The following GRK3 variants were observed in gnomAD, a reference collection of about 807,000 sequenced individuals.
GRK3 encodes adrenergic, beta, receptor kinase 2.
A neutral mutation model predicts 95.7 loss-of-function variants in GRK3; 54 were observed. The ratio of observed to expected loss-of-function variants is 0.56; its 90% CI spans 0.45 to 0.71. The LOEUF (loss-of-function observed/expected upper bound fraction) is 0.71. Among genes scored for constraint, GRK3 ranks in the 30% least tolerant of loss-of-function variants. GRK3 has a pLI of 0.00. For synonymous variants in GRK3, 281 were observed against 290.8 expected (o/e 0.97, Z 0.34); for missense variants, 649 against 851.2 (o/e 0.76, Z 2.96).
intron 2 of GRK3, among the ~76,000 whole-genome samples, chr22:25,637,191 G>A (rs1290676420): frequency 6.6e-6 from 1 of 152,138 alleles, no homozygotes; most frequent in South Asian, 2.1e-4. Context: ...GCCTTTTCCT[G>A]GTTCTCAGAC....
At chr22:25,673,211 G>T (rs1209650438) in intron 7 of GRK3, among the ~76,000 whole-genome samples, 16 of 151,720 alleles carry the variant, frequency 1.1e-4, no homozygotes, top group Non-Finnish European at 2.2e-4. Flanking sequence ...ACAGGCACCC[G>T]CCACCATGCC....
chr22:25,601,147 C>T (rs1235187988), intron 1 of GRK3, among the ~76,000 whole-genome samples: 1 of 152,170 alleles, frequency 6.6e-6, no homozygotes, highest in East Asian at 1.9e-4. Context: ...CTAAGCAACA[C>T]TATCAACCAA....
In GRK3 at chr22:25,564,682, C is replaced by T. The variant is rs1569144815; in HGVS notation, c.-359C>T. 1.3e-5 allele frequency among the ~76,000 whole-genome samples: 2 copies of T among 151,396 alleles called. No homozygotes were observed. Among genetic ancestry groups the T allele is most frequent in the Non-Finnish European group, 3.0e-5 (2 of 67,774 alleles). On this transcript the variant is annotated 5_prime_UTR_variant, in exon 1 of 21. Transcript: ENST00000324198. Reference sequence around the variant, plus strand: ...GGGAGGGCGACCGTAGAGACTTGGTCGGGAGGCGCCGGCCCAGCGAGGCCG... The same window carrying T: ...GGGAGGGCGACCGTAGAGACTTGGTTGGGAGGCGCCGGCCCAGCGAGGCCG...
chr22:25,583,109 AG>A lies in GRK3; in HGVS notation c.113+17961del, dbSNP rs145571898. Among the ~76,000 whole-genome samples, 633 of 152,272 alleles carry A rather than the reference AG, an allele frequency of 4.2e-3. 17 individuals are homozygous for A. Among genetic ancestry groups the A allele is most frequent in the East Asian group, 0.019 (98 of 5,180 alleles). On this transcript the variant is annotated intron_variant, in intron 1 of 20. Transcript: ENST00000324198. ...AACTGGCTCTTGTCCTAGGGAAGAG[AG>A]GGGGTAGGAGGCCTGAACTGTGTTT...
intron 2 of GRK3, among the ~76,000 whole-genome samples, chr22:25,632,347 A>G (rs1446700893): frequency 2.0e-5 from 3 of 152,150 alleles, no homozygotes; most frequent in African/African-American, 7.2e-5. Context: ...TTCTTTGGTG[A>G]AAGTGTGTTC....
chr22:25,692,501 C>G (rs202040170), intron 12 of GRK3, among the ~76,000 whole-genome samples: 1 of 152,216 alleles, frequency 6.6e-6, no homozygotes, highest in South Asian at 2.1e-4. Flanking sequence ...CTGGCGATGC[C>G]ACGGTAAGAC....
At chr22:25,621,872 C>T (rs960655760) in intron 2 of GRK3, among the ~76,000 whole-genome samples, 1 of 152,156 alleles carries the variant, frequency 6.6e-6, no homozygotes, top group Non-Finnish European at 1.5e-5. Flanking sequence ...GTTAGGAACC[C>T]TGTGCAGAGA....
At chr22:25,621,194 A>G (rs191842652) in intron 2 of GRK3, among the ~76,000 whole-genome samples, 430 of 152,396 alleles carry the variant, frequency 2.8e-3, no homozygotes, top group African/African-American at 9.8e-3. Flanking sequence ...GAGGACAGCA[A>G]TTCCCACAAG....
At chr22:25,626,503 A>G (rs574419186) in intron 2 of GRK3, among the ~76,000 whole-genome samples, 4 of 152,308 alleles carry the variant, frequency 2.6e-5, no homozygotes, top group Non-Finnish European at 5.9e-5. Flanking sequence ...GGATGCTATT[A>G]AGGCACTGGG....
intron 3 of GRK3, among the ~76,000 whole-genome samples, chr22:25,657,998 A>G (rs1398009710): frequency 6.6e-6 from 1 of 151,174 alleles, no homozygotes; most frequent in Admixed American, 6.6e-5. Context: ...CAGATACTCT[A>G]TTTTTTACTT....
At chr22:25,622,524 C>T (rs1258324909) in intron 2 of GRK3, among the ~76,000 whole-genome samples, 2 of 152,118 alleles carry the variant, frequency 1.3e-5, no homozygotes, top group Admixed American at 1.3e-4. Flanking sequence ...CAGAAACTGC[C>T]AGAAGGCCCA....
intron 2 of GRK3, among the ~76,000 whole-genome samples, chr22:25,636,999 T>A (rs550678266): frequency 6.6e-6 from 1 of 152,296 alleles, no homozygotes; most frequent in South Asian, 2.1e-4. Context: ...TGTAAAAAGA[T>A]CCACCATCAG....
At chr22:25,709,864 A>G (rs1408507925) in intron 15 of GRK3, 34 bp from the exon 16 acceptor site, 4 of 1,516,984 alleles carry the variant, frequency 2.6e-6, no homozygotes, top group Non-Finnish European at 2.7e-6. Context: ...TTCCAAATGC[A>G]TACTCAGCAC....
intron 12 of GRK3, among the ~76,000 whole-genome samples, chr22:25,690,694 A>G (rs1257203840): frequency 6.6e-6 from 1 of 152,198 alleles, no homozygotes; most frequent in Non-Finnish European, 1.5e-5. Context: ...GGATGTGGTC[A>G]AGGGAGGTCC....
rs994225671 is a variant in GRK3 at position 25,667,816 on chromosome 22, C to CAT, written c.503+24_503+25dup. 5.3e-5 allele frequency: 79 copies of CAT among 1,488,006 alleles called. No individual in the cohort carries two copies. The highest frequency in any genetic ancestry group is 7.2e-5 in the Non-Finnish European group (77 of 1,067,464). The allele number at this position is 1,488,006 out of a possible 1,614,324, so 92.2% of individuals were successfully genotyped here. A position where few individuals can be genotyped will look rare whatever the true frequency, so the allele number is the denominator to read the frequency against. On this transcript the variant is annotated intron_variant, in intron 6 of 20. Coordinates refer to ENST00000324198, the MANE Select transcript of GRK3 (RefSeq NM_005160.4). Reference sequence around the variant, plus strand: ...TTATGGAAAGGTATGAAACTTTATGCATATATATACACAATTTTTTATCAT... The same window carrying CAT: ...TTATGGAAAGGTATGAAACTTTATGCATATATATATACACAATTTTTTATCAT...
intron 2 of GRK3, among the ~76,000 whole-genome samples, chr22:25,620,737 G>C (rs546501277): frequency 9.8e-5 from 15 of 152,292 alleles, no homozygotes; most frequent in East Asian, 5.8e-4. Context: ...TCCATCTAAG[G>C]GTCCTCAGAA....
intron 2 of GRK3, among the ~76,000 whole-genome samples, chr22:25,627,743 T>C (rs1171938069): frequency 1.3e-5 from 2 of 152,254 alleles, no homozygotes; most frequent in East Asian, 3.8e-4. Flanking sequence ...CAGCTGCTAC[T>C]TATTGAACTA....
At chr22:25,708,003 C>G (rs898150152) in intron 15 of GRK3, among the ~76,000 whole-genome samples, 1 of 152,006 alleles carries the variant, frequency 6.6e-6, no homozygotes, top group African/African-American at 2.4e-5. Context: ...TTTGGGAGGC[C>G]GAGGTGGGTG....
At chr22:25,614,524 C>T (rs531919534) in intron 2 of GRK3, among the ~76,000 whole-genome samples, 31 of 152,280 alleles carry the variant, frequency 2.0e-4, no homozygotes, top group Middle Eastern at 3.4e-3. Flanking sequence ...ATTGGATTTA[C>T]TATTAGTTTA....
Sources: gnomAD v4.1 joint callset for allele counts (sites outside exome capture counted in the v4.1 genomes callset) on GRCh38, gnomAD v4.1.1 for gene constraint, MANE v1.5 for transcripts, NCBI Gene and HGNC (gene_info 2026-07-23, HGNC 2026-07-21) for gene names.